Variants in MRPS11 observed in about 807,000 individuals in gnomAD.
MRPS11 encodes the protein small ribosomal subunit protein uS11m.
A neutral mutation model predicts 24.3 loss-of-function variants in MRPS11; 27 were observed. The ratio of observed to expected loss-of-function variants is 1.11; its 90% CI spans 0.82 to 1.53. MRPS11 has a LOEUF of 1.53. Ranked by LOEUF, MRPS11 falls within the 40% of genes most tolerant of loss-of-function variation. The probability of loss-of-function intolerance (pLI) is 0.00; values close to 1 mark genes in which losing one functional copy is unlikely to be tolerated. For missense variants in MRPS11, 277 were observed against 256.5 expected (o/e 1.08, Z -0.55); for synonymous variants, 104 against 98.7 (o/e 1.05, Z -0.32).
At chr15:88,470,708 G>A (rs1446423858) in intron 2 of MRPS11, among the ~76,000 whole-genome samples, 1 of 152,166 alleles carries the variant, frequency 6.6e-6, no homozygotes, top group African/African-American at 2.4e-5. Context: ...AAGCATTTTT[G>A]GTGGAGTGGT....
At position 88,475,697 on chromosome 15, in the gene MRPS11, C is replaced by T. The variant is rs918279213; in HGVS notation, c.411+458C>T. On this transcript the variant is annotated intron_variant, in intron 4 of 5. Coordinates refer to ENST00000325844, the MANE Select transcript of MRPS11 (RefSeq NM_022839.5). This position sits in a 1 kb window ranked among gnomAD's most constrained non-coding sequence, Gnocchi z 4.1. Reference sequence around the variant, plus strand: ...AAATAAATTAAAAATAGGCCAGGCGCGATGGCTCACAGTTGTAATCCCAGC... The same window carrying T: ...AAATAAATTAAAAATAGGCCAGGCGTGATGGCTCACAGTTGTAATCCCAGC... Among the ~76,000 whole-genome samples, 2 of 152,102 alleles carry T rather than the reference C, an allele frequency of 1.3e-5. No homozygotes were observed. Among genetic ancestry groups the T allele is most frequent in the African/African-American group, 4.8e-5 (2 of 41,424 alleles).
intron 3 of MRPS11, 110 bp from the exon 4 acceptor site, chr15:88,475,000 C>T (rs1318407694): frequency 2.3e-5 from 29 of 1,280,422 alleles, no homozygotes; most frequent in Non-Finnish European, 2.9e-5. Context: ...AAAGTAGAAG[C>T]AACTGAATTC....
intron 2 of MRPS11, among the ~76,000 whole-genome samples, chr15:88,471,818 G>A (rs950110386): frequency 6.6e-6 from 1 of 152,222 alleles, no homozygotes; most frequent in African/African-American, 2.4e-5. Flanking sequence ...GTTCACATCT[G>A]ATTCTATTGG....
Position 88,480,720 on chromosome 15 carries a change from G to C in MRPS11, c.*2741G>C, listed in dbSNP as rs746630094. 6.6e-6 allele frequency: 1 copy of C among 152,050 alleles called. No homozygotes were observed. Among genetic ancestry groups the C allele is most frequent in the Non-Finnish European group, 1.5e-5 (1 of 68,034 alleles). 9.4% of individuals were successfully genotyped at this position (152,050 alleles called of 1,614,324 possible). ...GCACATTGCTTTATCGTGAGCTCTC[G>C]GTGCACAGTGTGGTTTCCAGGCTCT... is the stretch of plus-strand genomic sequence containing the variant. On this transcript the variant is annotated 3_prime_UTR_variant, in exon 6 of 6. Coordinates refer to ENST00000325844, the MANE Select transcript of MRPS11 (RefSeq NM_022839.5). This position sits in a 1 kb window ranked among gnomAD's most constrained non-coding sequence, Gnocchi z 5.1.
intron 2 of MRPS11, among the ~76,000 whole-genome samples, chr15:88,470,150 A>C (rs2055658860): frequency 6.6e-6 from 1 of 152,162 alleles, no homozygotes; most frequent in African/African-American, 2.4e-5. Context: ...CCCCGTCTCT[A>C]CTAAAAATAC....
Position 88,469,812 on chromosome 15 carries a change from A to G in MRPS11, c.182+1788A>G, listed in dbSNP as rs1197998149. On this transcript the variant is annotated intron_variant, in intron 2 of 5. Transcript: ENST00000325844. This position sits in a 1 kb window ranked among gnomAD's most constrained non-coding sequence, Gnocchi z 4.4. ...ATGGAGGTATTATGAATGGTCTGAC[A>G]TATTTTGAAGGTAGAACAAGCAGGA... Among the ~76,000 whole-genome samples, 2 of 152,216 alleles carry G rather than the reference A, an allele frequency of 1.3e-5. No individual in the cohort carries two copies. The highest frequency in any genetic ancestry group is 3.8e-4 in the East Asian group (2 of 5,196).
Position 88,476,997 on chromosome 15 carries a change from A to G in MRPS11, c.420A>G (p.Lys140=). 6.2e-7 allele frequency: 1 copy of G among 1,613,968 alleles called. No individual in the cohort carries two copies. Residue 140 remains lysine (K), a synonymous_variant, in exon 5 of 6, where the codon AAA becomes AAG. Transcript: ENST00000325844. ...TAGIAAAARA[K]QKGVIHIRVV... ...ACTCTGCTTCTCTCCAGAGAGCTAA[A>G]CAAAAGGGCGTGATCCACATCCGAG...
rs925149271 is a variant in MRPS11 at position 88,475,963 on chromosome 15, A to G, written c.411+724A>G. ...AGAGCGAGACTCCATCTCAAGAAAA[A>G]AAATAAAAATAAAGACCAGTGGTTT... On this transcript the variant is annotated intron_variant, in intron 4 of 5. Coordinates refer to ENST00000325844, the MANE Select transcript of MRPS11 (RefSeq NM_022839.5). The surrounding 1 kb of genome is among the most constrained non-coding windows in gnomAD (Gnocchi z 4.1). Among the ~76,000 whole-genome samples the G allele has an allele frequency of 6.6e-6, 1 of 152,250 alleles. No homozygotes were observed. The highest frequency in any genetic ancestry group is 1.5e-5 in the Non-Finnish European group (1 of 68,024).
rs567504185 is a variant in MRPS11, at chr15:88,469,056, A to G, written c.182+1032A>G. ...GAATAAGTGTCTCATTCCTGAGGAA[A>G]TCAGGCAAGACCATGGAGAAAAGAA... On this transcript the variant is annotated intron_variant, in intron 2 of 5. Transcript: ENST00000325844. The surrounding 1 kb of genome is among the most constrained non-coding windows in gnomAD (Gnocchi z 4.4). The G allele has an allele frequency of 6.6e-6, 1 of 152,308 alleles. No individual in the cohort carries two copies. Among genetic ancestry groups the G allele is most frequent in the East Asian group, 1.9e-4 (1 of 5,188 alleles). The allele number at this position is 152,308 out of a possible 1,614,324, so 9.4% of individuals were successfully genotyped here.
rs767961886 is a variant in MRPS11, at chr15:88,475,188, C to T, written c.360C>T (p.Ala120=). The T allele has an allele frequency of 6.2e-7, 1 of 1,614,234 alleles. No individual in the cohort carries two copies. The highest frequency in any genetic ancestry group is 1.1e-5 in the South Asian group (1 of 91,088). The change falls in exon 4 of 6, where the codon GCC becomes GCT. Residue 120 remains alanine (A), a synonymous_variant. Coordinates refer to ENST00000325844, the MANE Select transcript of MRPS11 (RefSeq NM_022839.5). This position sits in a 1 kb window ranked among gnomAD's most constrained non-coding sequence, Gnocchi z 4.1. ...GTGGCACAGAGGGATTTCGGAATGC[C>T]AAGAAGGGCACAGGCATCGCAGCAC... ...ASCGTEGFRN[A]KKGTGIAAQT...
At chr15:88,470,246 C>T (rs866020206) in intron 2 of MRPS11, among the ~76,000 whole-genome samples, 12 of 152,122 alleles carry the variant, frequency 7.9e-5, no homozygotes, top group Non-Finnish European at 1.2e-4. Flanking sequence ...ACCCCGGAGA[C>T]GGAGGTTGCA....
At chr15:88,470,082 C>T (rs978819211) in intron 2 of MRPS11, among the ~76,000 whole-genome samples, 2 of 152,014 alleles carry the variant, frequency 1.3e-5, no homozygotes, top group East Asian at 1.9e-4. Context: ...TTTGGGAGGC[C>T]GAGGCAGGCG....
At chr15:88,471,023 G>A (rs926357931) in intron 2 of MRPS11, among the ~76,000 whole-genome samples, 2 of 152,242 alleles carry the variant, frequency 1.3e-5, no homozygotes, top group African/African-American at 4.8e-5. Flanking sequence ...TAATACACAA[G>A]TGGAGCACTG....
intron 3 of MRPS11, among the ~76,000 whole-genome samples, chr15:88,474,463 G>T (rs2055778462): frequency 1.3e-5 from 2 of 151,924 alleles, no homozygotes; most frequent in Admixed American, 1.3e-4. Context: ...GAAGGCTGAG[G>T]CAGAAGAATC....
chr15:88,477,020 G>C lies in MRPS11; in HGVS notation c.443G>C (p.Arg148Pro). Residue 148 changes from arginine to proline, a missense_variant, in exon 5 of 6, where the codon CGA (arginine) becomes CCA (proline). Coordinates refer to ENST00000325844, the MANE Select transcript of MRPS11 (RefSeq NM_022839.5). The surrounding 1 kb of genome is among the most constrained non-coding windows in gnomAD (Gnocchi z 5.7). Reference sequence around the variant, plus strand: ...AAACAAAAGGGCGTGATCCACATCCGAGTTGTGGTGAAAGGCCTGGGGCCA... The same window carrying C: ...AAACAAAAGGGCGTGATCCACATCCCAGTTGTGGTGAAAGGCCTGGGGCCA... ...RAKQKGVIHI[R>P]VVVKGLGPGR... The C allele has an allele frequency of 6.2e-7, 1 of 1,614,088 alleles. No individual in the cohort carries two copies. The highest frequency in any genetic ancestry group is 1.1e-5 in the South Asian group (1 of 91,008).
In MRPS11 at chr15:88,475,299, A is replaced by G; in HGVS notation, c.411+60A>G. 6.2e-7 allele frequency: 1 copy of G among 1,605,532 alleles called. No homozygotes were observed. Among genetic ancestry groups the G allele is most frequent in the Non-Finnish European group, 8.5e-7 (1 of 1,176,110 alleles). ...GTGTTTGCTTTCTGCATGGCTCATCACTGAGTGGAGAATCCTCATTATACT... is the reference window on the plus strand; with the variant it reads ...GTGTTTGCTTTCTGCATGGCTCATCGCTGAGTGGAGAATCCTCATTATACT... On this transcript the variant is annotated intron_variant, in intron 4 of 5. Coordinates refer to ENST00000325844, the MANE Select transcript of MRPS11 (RefSeq NM_022839.5). The surrounding 1 kb of genome is among the most constrained non-coding windows in gnomAD (Gnocchi z 4.1).
At chr15:88,476,895 G>T in intron 4 of MRPS11, 94 bp from the exon 5 acceptor site, 1 of 1,297,186 alleles carries the variant, frequency 7.7e-7, no homozygotes. Flanking sequence ...CCCTTTCCCT[G>T]AGCTCACACA....
At chr15:88,468,523 TAACA>T in intron 2 of MRPS11, 1 of 988,656 alleles carries the variant, frequency 1.0e-6, no homozygotes, top group East Asian at 1.1e-4. Context: ...CACATCCATT[TAACA>T]AACATTTACC....
rs759886427 is a variant in MRPS11, at chr15:88,477,019, C to G, written c.442C>G (p.Arg148Gly). The change falls in exon 5 of 6, where the codon CGA becomes GGA. Residue 148 changes from arginine to glycine, a missense_variant. Transcript: ENST00000325844. This position sits in a 1 kb window ranked among gnomAD's most constrained non-coding sequence, Gnocchi z 5.7. ...RAKQKGVIHI[R>G]VVVKGLGPGR... ...TAAACAAAAGGGCGTGATCCACATC[C>G]GAGTTGTGGTGAAAGGCCTGGGGCC... 11 of 1,613,904 alleles carry G rather than the reference C, an allele frequency of 6.8e-6. No homozygotes were observed. Among genetic ancestry groups the G allele is most frequent in the Non-Finnish European group, 9.3e-6 (11 of 1,179,990 alleles).
Sources: gnomAD v4.1 joint callset for allele counts (sites outside exome capture counted in the v4.1 genomes callset) on GRCh38, gnomAD v4.1.1 for gene constraint, Gnocchi (gnomAD v3.1) non-coding constraint, MANE v1.5 for transcripts, NCBI Gene and HGNC (gene_info 2026-07-23, HGNC 2026-07-21) for gene names.